The following LAMA4 variants were observed in gnomAD, a reference collection of about 807,000 sequenced individuals.
LAMA4 encodes the protein laminin subunit alpha-4.
A neutral mutation model predicts 207.1 loss-of-function variants in LAMA4; 127 were observed. That is an observed-to-expected ratio of 0.61 (90% CI 0.53 to 0.71). LAMA4 has a LOEUF of 0.71. LAMA4 is among the 30% of genes least tolerant of loss of function. The pLI is 0.00. For synonymous variants in LAMA4, 761 were observed against 816.0 expected (o/e 0.93, Z 1.15); for missense variants, 2,093 against 2,246.5 (o/e 0.93, Z 1.38).
intron 17 of LAMA4, among the ~76,000 whole-genome samples, chr6:112,150,148 A>G (rs566705191): frequency 1.3e-5 from 2 of 151,512 alleles, no homozygotes; most frequent in African/African-American, 4.9e-5. Flanking sequence ...ATGAGGAAGG[A>G]TGTTCATAAG....
At chr6:112,206,946 G>T in intron 4 of LAMA4, 75 bp downstream of exon 4, 5 of 1,545,184 alleles carry the variant, frequency 3.2e-6, no homozygotes, top group Non-Finnish European at 3.5e-6. Context: ...CTGGGATAAG[G>T]CAAAACAAAA....
Position 112,207,110 on chromosome 6 carries a change from T to C in LAMA4, c.333A>G (p.Glu111=), listed in dbSNP as rs1554354577. Reference sequence around the variant, plus strand: ...CTCCGATATAACCATCCAGACACTTTTCACAGTGCTCTCCTGTTGTGTTCC... The same window carrying C: ...CTCCGATATAACCATCCAGACACTTCTCACAGTGCTCTCCTGTTGTGTTCC... ...CQRNTTGEHC[E]KCLDGYIGDS... is the part of the protein sequence containing the mutation. Residue 111 remains glutamate (E), a synonymous_variant, in exon 4 of 39, where the codon GAA becomes GAG. Coordinates refer to ENST00000230538, the MANE Select transcript of LAMA4 (RefSeq NM_001105206.3). 3.7e-6 allele frequency: 6 copies of C among 1,614,038 alleles called. No homozygotes were observed.
At chr6:112,121,897 A>G (rs900291373) in intron 32 of LAMA4, 117 bp downstream of exon 32, 62 of 856,120 alleles carry the variant, frequency 7.2e-5, no homozygotes, top group African/African-American at 1.5e-4. Flanking sequence ...TGGTGATAAC[A>G]TAATAGGATT....
intron 12 of LAMA4, among the ~76,000 whole-genome samples, chr6:112,169,539 G>A (rs1781593134): frequency 6.6e-6 from 1 of 152,144 alleles, no homozygotes; most frequent in African/African-American, 2.4e-5. Context: ...AGTCACTGAG[G>A]GAAGAGATGG....
At chr6:112,181,763 A>G (rs6926862) in intron 9 of LAMA4, among the ~76,000 whole-genome samples, 100,741 of 152,062 alleles carry the variant, frequency 0.66, 33,810 homozygotes, top group East Asian at 0.83. Context: ...CATCTTGAAA[A>G]CAGGGCCTTA....
In LAMA4 at chr6:112,144,849, G is replaced by A; in HGVS notation, c.2438C>T (p.Ala813Val). Residue 813 changes from alanine (A) to valine (V), a missense_variant, in exon 19 of 39, where the codon GCC becomes GTC. Physicochemically the swap from Ala to Val is moderately conservative, Grantham distance 64. Around this residue, in one of 3 missense-constraint regions of LAMA4, gnomAD observed 1,704 missense variants for 1,788.4 expected, o/e 0.95. Coordinates refer to ENST00000230538, the MANE Select transcript of LAMA4 (RefSeq NM_001105206.3). ...GAGCTCTCGGATCCTCTGGATGCTG[G>A]CAGAAACGTTGCTTGCAGGTCGCTT... ...EQKRPASNVS[A>V]SIQRIRELIA... The A allele has an allele frequency of 1.2e-6, 2 of 1,613,934 alleles. No individual in the cohort carries two copies. Among genetic ancestry groups the A allele is most frequent in the Non-Finnish European group, 8.5e-7 (1 of 1,180,006 alleles).
intron 9 of LAMA4, 122 bp from the exon 10 acceptor site, chr6:112,178,354 T>C: frequency 1.4e-6 from 1 of 727,466 alleles, no homozygotes; most frequent in Non-Finnish European, 2.5e-6. Context: ...CATGTGAAAG[T>C]TCTATAACAC....
chr6:112,168,695 T>C (rs1294847755), intron 12 of LAMA4, among the ~76,000 whole-genome samples: 1 of 152,144 alleles, frequency 6.6e-6, no homozygotes, highest in African/African-American at 2.4e-5. Context: ...GTCAATCTTA[T>C]ACATGCGAAC....
Position 112,198,147 on chromosome 6 carries a change from G to A in LAMA4, c.503+3461C>T, listed in dbSNP as rs142873605. ...GAGTCCTGGTGCATGAGAATCCGAC[G>A]GGAAGTCAAAATACAGGTCCTGGGC... On this transcript the variant is annotated intron_variant, in intron 5 of 38. Coordinates refer to ENST00000230538, the MANE Select transcript of LAMA4 (RefSeq NM_001105206.3). Among the ~76,000 whole-genome samples, 1,069 of 152,118 alleles carry A rather than the reference G, an allele frequency of 7.0e-3. 4 individuals carry two copies. The highest frequency in any genetic ancestry group is 0.012 in the Non-Finnish European group (822 of 68,002).
Position 112,118,784 on chromosome 6 carries a change from A to T in LAMA4, c.4821+372T>A. On this transcript the variant is annotated intron_variant, in intron 34 of 38. Coordinates refer to ENST00000230538, the MANE Select transcript of LAMA4 (RefSeq NM_001105206.3). The surrounding 1 kb of genome is among the most constrained non-coding windows in gnomAD (Gnocchi z 4.6). The stretch of plus-strand genomic sequence containing the variant: ...ATTGTAGTTTGCATAATGACCTGAA[A>T]CTTTTTTTTTCACTCAATAATGTAT... 6.7e-6 allele frequency among the ~76,000 whole-genome samples: 1 copy of T among 149,972 alleles called. No individual in the cohort carries two copies. The highest frequency in any genetic ancestry group is 2.5e-5 in the African/African-American group (1 of 40,686).
rs1046467002 is a variant in LAMA4, at chr6:112,151,668, C to T, written c.2057-1041G>A. Among the ~76,000 whole-genome samples, 7 of 152,054 alleles carry T rather than the reference C, an allele frequency of 4.6e-5. No homozygotes were observed. The East Asian group carries it at 1.2e-3, about 25-fold the overall frequency. On this transcript the variant is annotated intron_variant, in intron 16 of 38. Transcript: ENST00000230538. ...TTTTTAAAAGTTAATTTCCCAATGT[C>T]GTATGTAAAATTAAATCGGATTTTT...
chr6:112,246,373 A>C (rs370153207), intron 2 of LAMA4, among the ~76,000 whole-genome samples: 27 of 152,282 alleles, frequency 1.8e-4, no homozygotes, highest in South Asian at 6.2e-4. Flanking sequence ...TCTGGCCATC[A>C]TTATATTTAT....
At position 112,216,637 on chromosome 6, in the gene LAMA4, A is replaced by T. The variant is rs1035104341; in HGVS notation, c.196-168T>A. 44 of 644,732 alleles carry T rather than the reference A, an allele frequency of 6.8e-5. No homozygotes were observed. In the Admixed American group the frequency reaches 9.4e-4, roughly 14 times the overall value. The allele number at this position is 644,732 out of a possible 1,614,324, so 39.9% of individuals were successfully genotyped here. ...ACTAAAATAAACTATTTATACTACC[A>T]TTCAGTGATAGATGATGTATATATA... On this transcript the variant is annotated intron_variant, in intron 2 of 38. Coordinates refer to ENST00000230538, the MANE Select transcript of LAMA4 (RefSeq NM_001105206.3).
chr6:112,207,114 C>T lies in LAMA4; in HGVS notation c.329G>A (p.Cys110Tyr). 6.2e-7 allele frequency: 1 copy of T among 1,613,990 alleles called. No individual in the cohort carries two copies. The highest frequency in any genetic ancestry group is 8.5e-7 in the Non-Finnish European group (1 of 1,179,954). Reference protein sequence around the residue: ...HCQRNTTGEHCEKCLDGYIGD... With the variant: ...HCQRNTTGEHYEKCLDGYIGD... ...GATATAACCATCCAGACACTTTTCACAGTGCTCTCCTGTTGTGTTCCGCTG... is the reference window on the plus strand; with the variant it reads ...GATATAACCATCCAGACACTTTTCATAGTGCTCTCCTGTTGTGTTCCGCTG... Residue 110 changes from cysteine (C) to tyrosine (Y), a missense_variant, in exon 4 of 39, where the codon TGT becomes TAT. Physicochemically the swap from Cys to Tyr is radical, Grantham distance 194 (BLOSUM62 -2). Around this residue, in one of 3 missense-constraint regions of LAMA4, gnomAD observed 1,704 missense variants for 1,788.4 expected, o/e 0.95. Coordinates refer to ENST00000230538, the MANE Select transcript of LAMA4 (RefSeq NM_001105206.3).
intron 9 of LAMA4, among the ~76,000 whole-genome samples, chr6:112,183,713 G>A (rs1038361756): frequency 6.6e-6 from 1 of 152,078 alleles, no homozygotes; most frequent in Non-Finnish European, 1.5e-5. Context: ...CACTTTGGGA[G>A]GCTGAGGTGA....
chr6:112,235,991 T>A (rs989177178), intron 2 of LAMA4: 2 of 152,240 alleles, frequency 1.3e-5, no homozygotes, highest in Non-Finnish European at 2.9e-5. Context: ...CACAGATGAC[T>A]ACATAAGTTA....
chr6:112,178,753 C>G (rs1782173523), intron 9 of LAMA4: 1 of 163,042 alleles, frequency 6.1e-6, no homozygotes. Flanking sequence ...GGTGCTATTC[C>G]TATATCATCA....
intron 2 of LAMA4, among the ~76,000 whole-genome samples, chr6:112,244,443 A>T (rs1554188283): frequency 6.6e-6 from 1 of 152,214 alleles, no homozygotes; most frequent in African/African-American, 2.4e-5. Context: ...TGTGTAGCAT[A>T]TGATCAAGAA....
intron 38 of LAMA4, among the ~76,000 whole-genome samples, chr6:112,110,498 A>G (rs1247400324): frequency 6.6e-6 from 1 of 152,240 alleles, no homozygotes; most frequent in Non-Finnish European, 1.5e-5. Context: ...AAGAATATGC[A>G]GAAGCTGTGT....
Sources: allele counts gnomAD v4.1 joint callset (sites outside exome capture counted in the v4.1 genomes callset), GRCh38; gene constraint gnomAD v4.1.1; regional missense constraint gnomAD v4.1.1; non-coding constraint Gnocchi (gnomAD v3.1); transcripts MANE v1.5; gene names NCBI Gene and HGNC (gene_info 2026-07-23, HGNC 2026-07-21).